Variants in PDE7B observed in about 807,000 individuals in gnomAD.
PDE7B encodes the protein 3',5'-cyclic-AMP phosphodiesterase 7B.
PDE7B carries 29 observed loss-of-function variants against 56.2 expected under a neutral mutation model. That is an observed-to-expected ratio of 0.52 (90% confidence interval 0.38 to 0.70). The LOEUF is 0.70. Ranked by LOEUF, PDE7B falls within the 30% of genes least tolerant of loss-of-function variation. The pLI, the probability that PDE7B is intolerant of heterozygous loss-of-function variation, is 0.00. For missense variants in PDE7B, 490 were observed against 565.0 expected, an observed-to-expected ratio of 0.87 and a Z score of 1.35; for synonymous variants, 197 against 196.9, an observed-to-expected ratio of 1.00 and a Z score of 0.00.
intron 2 of PDE7B, among the ~76,000 whole-genome samples, chr6:135,961,255 A>ATGTGTGTGTGTGTGTGTGTGTGTGTG (rs961322926): frequency 2.0e-4 from 29 of 146,174 alleles, no homozygotes; most frequent in African/African-American, 6.2e-4. Context: ...TAGAGTGTAT[A>ATGTGTGTGTGTGTGTGTGTGTGTGTG]TGTGTGTGTG....
rs189602987 is a variant in PDE7B at position 136,122,189 on chromosome 6, G to C, written c.166+13375G>C. Among the ~76,000 whole-genome samples, 2 of 152,044 alleles carry C rather than the reference G, an allele frequency of 1.3e-5. 1 individual carries two copies. Among genetic ancestry groups the C allele is most frequent in the East Asian group, 3.9e-4 (2 of 5,160 alleles). ...TTTTTGTATTTTTAGTAGAGATGGG[G>C]TTTCACCGTGTTAGCCAGGATGGTC... On this transcript the variant is annotated intron_variant, in intron 3 of 12. Transcript: ENST00000308191.
chr6:136,108,377 A>T (rs1777687782), intron 2 of PDE7B, among the ~76,000 whole-genome samples: 2 of 152,162 alleles, frequency 1.3e-5, no homozygotes, highest in Non-Finnish European at 2.9e-5. Flanking sequence ...CACTTTTAAG[A>T]ACGAAAGCTA....
intron 2 of PDE7B, among the ~76,000 whole-genome samples, chr6:136,073,371 A>G (rs1419457489): frequency 1.3e-5 from 2 of 152,192 alleles, no homozygotes; most frequent in African/African-American, 4.8e-5. Context: ...TTACGGGCAT[A>G]TGTCTTAATC....
intron 2 of PDE7B, among the ~76,000 whole-genome samples, chr6:136,079,894 T>A (rs1288013877): frequency 6.6e-6 from 1 of 151,942 alleles, no homozygotes; most frequent in Non-Finnish European, 1.5e-5. Flanking sequence ...TGAGGGTGGA[T>A]CCTCCTTTGT....
chr6:135,979,197 T>C (rs1168712884), intron 2 of PDE7B, among the ~76,000 whole-genome samples: 1 of 151,890 alleles, frequency 6.6e-6, no homozygotes, highest in Non-Finnish European at 1.5e-5. Context: ...TTGTGTATAT[T>C]GAACCAGCCT....
At chr6:135,978,149 C>G (rs1442826901) in intron 2 of PDE7B, among the ~76,000 whole-genome samples, 1 of 152,088 alleles carries the variant, frequency 6.6e-6, no homozygotes, top group Non-Finnish European at 1.5e-5. Context: ...ACTACGCACC[C>G]AGGCTATGTG....
At position 135,901,113 on chromosome 6, in the gene PDE7B, TG is replaced by T. The variant is rs1775992347; in HGVS notation, c.22-46349del. On this transcript the variant is annotated intron_variant, in intron 1 of 12. Transcript: ENST00000308191. ...GCAACCGCTGCTAAGGTTTTTGAGCTGGCTGGCCACAGAGGGGATGACCTTC... is the reference window on the plus strand; with the variant it reads ...GCAACCGCTGCTAAGGTTTTTGAGCTGCTGGCCACAGAGGGGATGACCTTC... 5.3e-5 allele frequency among the ~76,000 whole-genome samples: 8 copies of T among 152,338 alleles called. 1 individual carries two copies. In the East Asian group the frequency reaches 9.6e-4, roughly 18 times the overall value.
rs1337158102 is a variant in PDE7B, at chr6:136,173,828, G to A, written c.743G>A (p.Arg248Gln). Residue 248 changes from arginine to glutamine, a missense_variant, in exon 9 of 13, where the codon CGA (arginine) becomes CAA (glutamine). Arg to Gln is a conservative substitution (Grantham distance 43). Coordinates refer to ENST00000308191, the MANE Select transcript of PDE7B (RefSeq NM_018945.4). ...TCTGTGCTGGAGAATCATCACTGGCGATCTACAATTGGCATGCTTCGAGAA... is the reference window on the plus strand; with the variant it reads ...TCTGTGCTGGAGAATCATCACTGGCAATCTACAATTGGCATGCTTCGAGAA... ...NMSVLENHHW[R>Q]STIGMLRESR... 5.6e-6 allele frequency: 9 copies of A among 1,611,858 alleles called. No homozygotes were observed. Among genetic ancestry groups the A allele is most frequent in the Non-Finnish European group, 6.8e-6 (8 of 1,178,360 alleles).
intron 2 of PDE7B, among the ~76,000 whole-genome samples, chr6:136,085,201 ATC>A: frequency 6.6e-6 from 1 of 152,326 alleles, no homozygotes; most frequent in East Asian, 1.9e-4. Context: ...GAGTTACAGG[ATC>A]TTTTTGTCAT....
intron 1 of PDE7B, among the ~76,000 whole-genome samples, chr6:135,897,675 T>A (rs1016411074): frequency 6.6e-6 from 1 of 152,204 alleles, no homozygotes; most frequent in African/African-American, 2.4e-5. Context: ...TAGGTATTAA[T>A]AGGCATTTGA....
At chr6:135,986,798 C>T (rs530163542) in intron 2 of PDE7B, among the ~76,000 whole-genome samples, 1 of 152,324 alleles carries the variant, frequency 6.6e-6, no homozygotes. Flanking sequence ...CTTCCCAAAG[C>T]TTTGATCTAT....
At chr6:135,854,083 A>G (rs1247907430) in intron 1 of PDE7B, among the ~76,000 whole-genome samples, 1 of 152,208 alleles carries the variant, frequency 6.6e-6, no homozygotes, top group Non-Finnish European at 1.5e-5. Flanking sequence ...GACATCTTAA[A>G]TGCAAAAGTA....
chr6:135,879,431 G>A (rs1260233847), intron 1 of PDE7B, among the ~76,000 whole-genome samples: 1 of 152,000 alleles, frequency 6.6e-6, no homozygotes, highest in Non-Finnish European at 1.5e-5. Context: ...AGAAAGCCAG[G>A]CCTAGAACTC....
chr6:136,189,630 T>C (rs1029324818), intron 12 of PDE7B, among the ~76,000 whole-genome samples: 14 of 152,034 alleles, frequency 9.2e-5, no homozygotes, highest in African/African-American at 3.4e-4. Flanking sequence ...CTCTAATTGG[T>C]GAAATCTATA....
At chr6:135,976,205 A>G (rs1775183794) in intron 2 of PDE7B, among the ~76,000 whole-genome samples, 1 of 152,100 alleles carries the variant, frequency 6.6e-6, no homozygotes, top group Non-Finnish European at 1.5e-5. Flanking sequence ...TTCTTATCAA[A>G]TGTTTCAGAT....
chr6:135,888,418 C>T (rs1478211514), intron 1 of PDE7B, among the ~76,000 whole-genome samples: 1 of 152,052 alleles, frequency 6.6e-6, no homozygotes, highest in Admixed American at 6.5e-5. Flanking sequence ...AAGTAACTGA[C>T]ATTTCTGAGC....
chr6:135,889,611 T>C (rs2128189936), intron 1 of PDE7B, among the ~76,000 whole-genome samples: 1 of 147,900 alleles, frequency 6.8e-6, no homozygotes, highest in East Asian at 2.0e-4. Flanking sequence ...CAGCTAATTT[T>C]TGTATTTTTA....
At chr6:136,032,729 A>T (rs1168448203) in intron 2 of PDE7B, among the ~76,000 whole-genome samples, 2 of 152,242 alleles carry the variant, frequency 1.3e-5, no homozygotes. Context: ...TTTGTGTTTA[A>T]TGAACTTGTC....
intron 2 of PDE7B, among the ~76,000 whole-genome samples, chr6:136,091,445 G>A (rs1034226559): frequency 7.9e-5 from 12 of 152,342 alleles, no homozygotes; most frequent in African/African-American, 2.9e-4. Flanking sequence ...CTTTTTCTAA[G>A]TCGCTGCATG....
Sources: allele counts gnomAD v4.1 joint callset (sites outside exome capture counted in the v4.1 genomes callset), GRCh38; gene constraint gnomAD v4.1.1; transcripts MANE v1.5; gene names NCBI Gene and HGNC (gene_info 2026-07-23, HGNC 2026-07-21).